The following NTM variants were observed in gnomAD, a reference collection of about 807,000 sequenced individuals.
NTM encodes neurotrimin, also known as IgLON family member 2.
NTM carries 13 observed loss-of-function variants against 42.1 expected under a neutral mutation model. The ratio of observed to expected loss-of-function variants is 0.31; its 90% confidence interval spans 0.20 to 0.49. NTM has a LOEUF of 0.49. Ranked by LOEUF, NTM falls within the 20% of genes least tolerant of loss-of-function variation. NTM has a pLI of 0.99. For synonymous variants in NTM, 187 were observed against 179.2 expected, an observed-to-expected ratio of 1.04 and a Z score of -0.35; for missense variants, 373 against 452.8, an observed-to-expected ratio of 0.82 and a Z score of 1.60.
chr11:131,441,822 C>T (rs566152605), intron 1 of NTM, among the ~76,000 whole-genome samples: 3 of 152,272 alleles, frequency 2.0e-5, no homozygotes, highest in South Asian at 4.1e-4. Flanking sequence ...TTTTCCAGCA[C>T]GGCTGTCTCT....
At chr11:132,038,812 C>T (rs974300716) in intron 2 of NTM, among the ~76,000 whole-genome samples, 1 of 152,178 alleles carries the variant, frequency 6.6e-6, no homozygotes, top group Non-Finnish European at 1.5e-5. Flanking sequence ...GCCTGTCTGC[C>T]TTCCTCACGT....
chr11:132,257,311 G>A (rs973727103), intron 4 of NTM, among the ~76,000 whole-genome samples: 2 of 152,230 alleles, frequency 1.3e-5, no homozygotes, highest in Non-Finnish European at 2.9e-5. Flanking sequence ...GTGGGTCTAA[G>A]TGTCTCCAAG....
At chr11:131,608,358 C>T (rs1476678241) in intron 1 of NTM, among the ~76,000 whole-genome samples, 1 of 152,216 alleles carries the variant, frequency 6.6e-6, no homozygotes, top group Non-Finnish European at 1.5e-5. Context: ...GGAAAGAACT[C>T]AGTGCTCAGG....
intron 1 of NTM, among the ~76,000 whole-genome samples, chr11:131,596,787 C>G (rs918587896): frequency 1.3e-5 from 2 of 152,158 alleles, no homozygotes; most frequent in African/African-American, 4.8e-5. Context: ...AGTCAGGGTT[C>G]TCTAGAGGGA....
intron 1 of NTM, among the ~76,000 whole-genome samples, chr11:131,893,085 T>C (rs1393930933): frequency 6.6e-6 from 1 of 152,190 alleles, no homozygotes; most frequent in Non-Finnish European, 1.5e-5. Context: ...GAACAGCATA[T>C]TCAGCCCGAA....
chr11:132,305,087 C>T (rs927056162), intron 4 of NTM, among the ~76,000 whole-genome samples: 4 of 152,180 alleles, frequency 2.6e-5, no homozygotes, highest in African/African-American at 4.8e-5. Flanking sequence ...GATGAGTTCT[C>T]GATTTTGACT....
chr11:131,437,391 G>A (rs1469809943), intron 1 of NTM, among the ~76,000 whole-genome samples: 2 of 152,116 alleles, frequency 1.3e-5, no homozygotes, highest in Non-Finnish European at 2.9e-5. Flanking sequence ...GGGTGTTAAA[G>A]TCTCCCATTA....
At chr11:131,389,357 C>T (rs1943731316) in intron 1 of NTM, among the ~76,000 whole-genome samples, 1 of 152,206 alleles carries the variant, frequency 6.6e-6, no homozygotes, top group African/African-American at 2.4e-5. Context: ...GCTGACAGAA[C>T]AATTTGCCGG....
chr11:132,043,975 T>TGTGTGTGA (rs1339364881), intron 2 of NTM, among the ~76,000 whole-genome samples: 5 of 151,218 alleles, frequency 3.3e-5, no homozygotes, highest in African/African-American at 1.2e-4. Flanking sequence ...TGTGTGTGTG[T>TGTGTGTGA]GTGTGTGTGT....
intron 4 of NTM, among the ~76,000 whole-genome samples, chr11:132,290,586 T>G (rs2139994480): frequency 6.6e-6 from 1 of 152,346 alleles, no homozygotes; most frequent in South Asian, 2.1e-4. Flanking sequence ...ATATCAGCTT[T>G]ATTTTTGTGC....
intron 1 of NTM, among the ~76,000 whole-genome samples, chr11:131,719,793 A>G (rs2078123379): frequency 6.6e-6 from 1 of 152,170 alleles, no homozygotes; most frequent in Admixed American, 6.6e-5. Flanking sequence ...CCGCTGGGAA[A>G]TTCACTCTCC....
chr11:131,704,453 C>T (rs956738139), intron 1 of NTM, among the ~76,000 whole-genome samples: 5 of 152,192 alleles, frequency 3.3e-5, no homozygotes, highest in African/African-American at 4.8e-5. Flanking sequence ...GATGGCCCCA[C>T]CCAAAATCTC....
chr11:132,101,445 A>G (rs1254059475), intron 2 of NTM, among the ~76,000 whole-genome samples: 1 of 152,192 alleles, frequency 6.6e-6, no homozygotes, highest in Non-Finnish European at 1.5e-5. Context: ...AGTTACACAA[A>G]GACTAGCTAC....
rs10466626 is a variant in NTM at position 132,108,690 on chromosome 11, T to G, written c.168-37592T>G. 2.4e-3 allele frequency among the ~76,000 whole-genome samples: 368 copies of G among 152,092 alleles called. 11 individuals carry two copies. The highest frequency in any genetic ancestry group is 0.022 in the Admixed American group (336 of 15,294). ...GAAAAACCTATTGAAATAAAAAATT[T>G]AAAAAAAATTCAAATATTTTTATTA... is the stretch of plus-strand genomic sequence containing the variant. On this transcript the variant is annotated intron_variant, in intron 2 of 8. Transcript: ENST00000683400.
chr11:132,114,366 C>A (rs2063604848), intron 2 of NTM, among the ~76,000 whole-genome samples: 1 of 152,168 alleles, frequency 6.6e-6, no homozygotes. Flanking sequence ...CCTTAAATGT[C>A]CCTTTCTGAT....
intron 1 of NTM, among the ~76,000 whole-genome samples, chr11:131,610,233 C>T (rs1250850015): frequency 2.6e-5 from 4 of 152,166 alleles, no homozygotes; most frequent in Non-Finnish European, 5.9e-5. Flanking sequence ...AAATGGAGTG[C>T]CTCCTCCACA....
chr11:131,559,576 C>G (rs530250819), intron 1 of NTM, among the ~76,000 whole-genome samples: 86 of 152,276 alleles, frequency 5.6e-4, no homozygotes, highest in African/African-American at 2.0e-3. Flanking sequence ...GTCTCAGTTT[C>G]AAAGGTCATT....
intron 2 of NTM, among the ~76,000 whole-genome samples, chr11:132,052,470 C>T (rs1438892747): frequency 2.6e-5 from 4 of 152,162 alleles, no homozygotes; most frequent in Admixed American, 2.6e-4. Flanking sequence ...CAACAGCCCC[C>T]AGCTCTGCCA....
chr11:132,127,528 T>C (rs1770711426), intron 2 of NTM, among the ~76,000 whole-genome samples: 1 of 152,220 alleles, frequency 6.6e-6, no homozygotes, highest in South Asian at 2.1e-4. Flanking sequence ...TGCCCACCTT[T>C]TTAATGACTT....
Sources: gnomAD v4.1 joint callset for allele counts (sites outside exome capture counted in the v4.1 genomes callset) on GRCh38, gnomAD v4.1.1 for gene constraint, MANE v1.5 for transcripts, NCBI Gene and HGNC (gene_info 2026-07-23, HGNC 2026-07-21) for gene names.